Variants in KPNA6 observed in about 807,000 individuals in gnomAD.
KPNA6 encodes importin subunit alpha-7.
KPNA6 carries 9 observed loss-of-function variants against 72.0 expected under a neutral mutation model. The observed-to-expected ratio is 0.13, with a 90% CI of 0.08 to 0.22. The LOEUF is 0.22. Ranked by LOEUF, KPNA6 falls within the 10% of genes least tolerant of loss-of-function variation. The pLI, the probability that KPNA6 is intolerant of heterozygous loss-of-function variation, is 1.00. For synonymous variants in KPNA6, 219 were observed against 242.1 expected (o/e 0.90, Z 0.89); for missense variants, 374 against 655.7 (o/e 0.57, Z 4.69).
chr1:32,109,678 C>G (rs1478237686), intron 1 of KPNA6, among the ~76,000 whole-genome samples: 6 of 147,218 alleles, frequency 4.1e-5, no homozygotes, highest in Non-Finnish European at 8.9e-5. Flanking sequence ...GAGTCTGGCT[C>G]TGTTGCCCAG....
chr1:32,142,297 G>A (rs1376516598), intron 1 of KPNA6, among the ~76,000 whole-genome samples: 1 of 145,382 alleles, frequency 6.9e-6, no homozygotes, highest in African/African-American at 2.5e-5. Context: ...CAGAAGGGTT[G>A]TTTTATTCTC....
chr1:32,118,685 G>T (rs1641369484), intron 1 of KPNA6, among the ~76,000 whole-genome samples: 2 of 151,854 alleles, frequency 1.3e-5, no homozygotes. Flanking sequence ...CCAGCTACAT[G>T]GGAAGCTGAG....
intron 1 of KPNA6, chr1:32,142,817 C>A: frequency 2.0e-6 from 1 of 491,906 alleles, no homozygotes; most frequent in Non-Finnish European, 3.2e-6. Flanking sequence ...TCCAGATGTG[C>A]TTGTGCAGAT....
chr1:32,147,032 A>AT (rs1057406150), intron 1 of KPNA6, among the ~76,000 whole-genome samples: 42 of 151,288 alleles, frequency 2.8e-4, no homozygotes, highest in Non-Finnish European at 4.7e-4. Flanking sequence ...ATTTTTATAT[A>AT]TTTTTTTGCA....
In KPNA6 at chr1:32,159,371, T is replaced by G. The variant is rs1393062484; in HGVS notation, c.427-29T>G. 17 of 1,612,312 alleles carry G rather than the reference T, an allele frequency of 1.1e-5. No homozygotes were observed. In the East Asian group the frequency reaches 3.8e-4, roughly 36 times the overall value. On this transcript the variant is annotated intron_variant, in intron 5 of 13. Transcript: ENST00000373625. ...CATGGCTGCTCAGTCTGAAATGACC[T>G]TTCAATCATTGCTTAATCTCACTTT...
intron 1 of KPNA6, among the ~76,000 whole-genome samples, chr1:32,119,014 A>ATT (rs1557457065): frequency 4.4e-5 from 3 of 67,600 alleles, no homozygotes; most frequent in Non-Finnish European, 5.1e-5. Flanking sequence ...ATATATATAT[A>ATT]TATATATATA....
intron 1 of KPNA6, among the ~76,000 whole-genome samples, chr1:32,119,018 A>AT (rs1641381278): frequency 2.9e-5 from 2 of 69,606 alleles, no homozygotes; most frequent in Admixed American, 1.7e-4. Flanking sequence ...ATATATATAT[A>AT]TATATATATA....
intron 1 of KPNA6, among the ~76,000 whole-genome samples, chr1:32,132,700 G>A (rs960521614): frequency 2.0e-5 from 3 of 151,932 alleles, no homozygotes; most frequent in South Asian, 4.1e-4. Context: ...TCAGGAGATC[G>A]AGACCATCCT....
chr1:32,126,791 AC>A (rs1332543292), intron 1 of KPNA6, among the ~76,000 whole-genome samples: 1 of 151,954 alleles, frequency 6.6e-6, no homozygotes, highest in Non-Finnish European at 1.5e-5. Flanking sequence ...CCTTTTTTAA[AC>A]CCCTGGTCAT....
At chr1:32,155,186 A>G (rs984084981) in intron 2 of KPNA6, among the ~76,000 whole-genome samples, 1 of 151,748 alleles carries the variant, frequency 6.6e-6, no homozygotes, top group Non-Finnish European at 1.5e-5. Flanking sequence ...CTTTGTTGTA[A>G]ATAAATGTTG....
At chr1:32,163,121 GA>G (rs1001268450) in intron 9 of KPNA6, 113 bp from the exon 10 acceptor site, 87 of 667,208 alleles carry the variant, frequency 1.3e-4, no homozygotes, top group East Asian at 4.5e-4. Context: ...AAAGAAAAAA[GA>G]AAAAAAAAGG....
rs572717598 is a variant in KPNA6, at chr1:32,159,658, A to C, written c.558+127A>C. 20 of 1,024,042 alleles carry C rather than the reference A, an allele frequency of 2.0e-5. No homozygotes were observed. The South Asian group carries it at 3.1e-4, about 16-fold the overall frequency. The allele number at this position is 1,024,042 out of a possible 1,614,324, so 63.4% of individuals were successfully genotyped here. On this transcript the variant is annotated intron_variant, in intron 6 of 13. Transcript: ENST00000373625. ...AATTTCCTGAGTGATAGGGGTGTCA[A>C]GTACAGATGGCCCCTGGGACTTGCA...
intron 1 of KPNA6, among the ~76,000 whole-genome samples, chr1:32,150,279 C>G (rs1224771366): frequency 6.6e-6 from 1 of 151,252 alleles, no homozygotes; most frequent in Non-Finnish European, 1.5e-5. Context: ...ATTACAGGCA[C>G]CAGCTACCAC....
intron 1 of KPNA6, among the ~76,000 whole-genome samples, chr1:32,111,792 A>G (rs1054887215): frequency 4.6e-5 from 7 of 152,098 alleles, no homozygotes; most frequent in Non-Finnish European, 7.4e-5. Context: ...TACTATGCCA[A>G]ACTTCATTAC....
At chr1:32,133,877 T>C (rs1641685703) in intron 1 of KPNA6, among the ~76,000 whole-genome samples, 2 of 151,454 alleles carry the variant, frequency 1.3e-5, no homozygotes, top group South Asian at 4.2e-4. Flanking sequence ...CCGTCTCTAC[T>C]AAAAATACAA....
In KPNA6 at chr1:32,171,042, C is replaced by T; in HGVS notation, c.*148C>T. ...ACTGTGCTCTTGACCTGCTCCGCCC[C>T]CTTCCCTGGAGGGAGCACCCTCTGG... On this transcript the variant is annotated 3_prime_UTR_variant, in exon 14 of 14. Transcript: ENST00000373625. The T allele has an allele frequency of 1.5e-6, 1 of 683,544 alleles. No homozygotes were observed. Among genetic ancestry groups the T allele is most frequent in the East Asian group, 2.7e-5 (1 of 36,698 alleles). The allele number at this position is 683,544 out of a possible 1,614,324, so 42.3% of individuals were successfully genotyped here. A position where few individuals can be genotyped will look rare whatever the true frequency, so the allele number is the denominator to read the frequency against.
At chr1:32,143,676 A>G (rs745991791) in intron 1 of KPNA6, among the ~76,000 whole-genome samples, 3 of 152,112 alleles carry the variant, frequency 2.0e-5, no homozygotes, top group Non-Finnish European at 4.4e-5. Context: ...TACAGTTACA[A>G]TGTTATGTGA....
chr1:32,112,823 T>A (rs1641263686), intron 1 of KPNA6, among the ~76,000 whole-genome samples: 1 of 152,148 alleles, frequency 6.6e-6, no homozygotes, highest in African/African-American at 2.4e-5. Flanking sequence ...TAAGAAATCC[T>A]TATTGTGAAA....
At chr1:32,122,473 G>A (rs1553126286) in intron 1 of KPNA6, among the ~76,000 whole-genome samples, 1 of 152,004 alleles carries the variant, frequency 6.6e-6, no homozygotes, top group African/African-American at 2.4e-5. Flanking sequence ...GCATGGAAGT[G>A]CTAAGTAAGC....
Sources: allele counts gnomAD v4.1 joint callset (sites outside exome capture counted in the v4.1 genomes callset), GRCh38; gene constraint gnomAD v4.1.1; transcripts MANE v1.5; gene names NCBI Gene and HGNC (gene_info 2026-07-23, HGNC 2026-07-21).